Variants in ZNF425 observed in about 807,000 individuals in gnomAD.
ZNF425 encodes the protein zinc finger protein 425.
In ZNF425, 21 loss-of-function variants were observed where a neutral mutation model predicts 17.0. The ratio of observed to expected loss-of-function variants is 1.23; its 90% CI spans 0.88 to 1.78. ZNF425 has a LOEUF of 1.78. Among genes scored for constraint, ZNF425 ranks in the 40% most tolerant of loss-of-function variants. ZNF425 has a pLI of 0.00. For missense variants in ZNF425, 868 were observed against 967.3 expected, an observed-to-expected ratio of 0.90 and a Z score of 1.36; for synonymous variants, 433 against 384.1, an observed-to-expected ratio of 1.13 and a Z score of -1.49.
intron 1 of ZNF425, among the ~76,000 whole-genome samples, chr7:149,121,436 G>T (rs1826350859): frequency 6.7e-6 from 1 of 148,968 alleles, no homozygotes; most frequent in Non-Finnish European, 1.5e-5. Context: ...CTGTGGCCCA[G>T]GCTGGAGTGC....
chr7:149,126,183 C>A lies in ZNF425; in HGVS notation c.18+13G>T, dbSNP rs541159048. 6 of 1,613,270 alleles carry A rather than the reference C, an allele frequency of 3.7e-6. No homozygotes were observed. The Admixed American group carries it at 8.3e-5, about 22-fold the overall frequency. On this transcript the variant is annotated intron_variant, in intron 1 of 3. Transcript: ENST00000378061. ...TTTCGACAGAGCCTGCATCCTCCAC[C>A]GGCCCTTCTTACCGAAGCCGGCTCG...
At position 149,105,551 on chromosome 7, in the gene ZNF425, G is replaced by A; in HGVS notation, c.320C>T (p.Pro107Leu). 9 of 1,509,286 alleles carry A rather than the reference G, an allele frequency of 6.0e-6. No individual in the cohort carries two copies. Among genetic ancestry groups the A allele is most frequent in the Non-Finnish European group, 7.1e-6 (8 of 1,133,282 alleles). 93.5% of individuals were successfully genotyped at this position (1,509,286 alleles called of 1,614,324 possible). A position where few individuals can be genotyped will look rare whatever the true frequency, so the allele number is the denominator to read the frequency against. ...KLLCFDDEGT[P>L]RTKEEDCRLN... is the part of the protein sequence containing the mutation. ...ACGGCAATCCTCTTCTTTTGTCCTG[G>A]GAGTTCCTTCGTCATCTGGAGCAGA... Residue 107 changes from proline to leucine, a missense_variant, in exon 4 of 4, where the codon CCC becomes CTC. By Grantham distance (98) the Pro-to-Leu change is moderately conservative. Around this residue, in one of 5 missense-constraint regions of ZNF425, gnomAD observed 179 missense variants for 216.3 expected, o/e 0.83. Coordinates refer to ENST00000378061, the MANE Select transcript of ZNF425 (RefSeq NM_001001661.3).
At position 149,103,491 on chromosome 7, in the gene ZNF425, T is replaced by G. The variant is rs145175383; in HGVS notation, c.*121A>C. ...CCTGGGCCTCCCAAAGTAATGGGATTACAGGCGGGAGCCACTGTGCCCGAT... is the reference window on the plus strand; with the variant it reads ...CCTGGGCCTCCCAAAGTAATGGGATGACAGGCGGGAGCCACTGTGCCCGAT... On this transcript the variant is annotated 3_prime_UTR_variant, in exon 4 of 4. Transcript: ENST00000378061. The G allele has an allele frequency of 3.3e-5, 43 of 1,301,074 alleles. No individual in the cohort carries two copies. The African/African-American group carries it at 5.2e-4, about 16-fold the overall frequency. 80.6% of individuals were successfully genotyped at this position (1,301,074 alleles called of 1,614,324 possible).
At chr7:149,125,469 A>G (rs1258375314) in intron 1 of ZNF425, among the ~76,000 whole-genome samples, 10 of 152,138 alleles carry the variant, frequency 6.6e-5, no homozygotes, top group Non-Finnish European at 4.4e-5. Flanking sequence ...AATTTCTCTC[A>G]GTTCCAGCTT....
chr7:149,121,929 T>C (rs796633107), intron 1 of ZNF425, among the ~76,000 whole-genome samples: 6 of 152,274 alleles, frequency 3.9e-5, no homozygotes, highest in African/African-American at 1.4e-4. Flanking sequence ...TCTTTGTTTT[T>C]TTTTGAGACG....
chr7:149,112,538 T>C, intron 2 of ZNF425: 1 of 367,614 alleles, frequency 2.7e-6, no homozygotes, highest in Non-Finnish European at 4.9e-6. Context: ...GAGGCTGAAG[T>C]GCGAGAATCA....
rs574582891 is a variant in ZNF425 at position 149,102,999 on chromosome 7, T to C, written c.*613A>G. ...ACATTTCTTCACTCAGGCTGTAGTTTCTGAATTTAATGAAGGGATTATTGG... is the reference window on the plus strand; with the variant it reads ...ACATTTCTTCACTCAGGCTGTAGTTCCTGAATTTAATGAAGGGATTATTGG... On this transcript the variant is annotated 3_prime_UTR_variant, in exon 4 of 4. Transcript: ENST00000378061. 6.6e-6 allele frequency: 1 copy of C among 152,208 alleles called. No homozygotes were observed. Among genetic ancestry groups the C allele is most frequent in the Non-Finnish European group, 1.5e-5 (1 of 68,054 alleles). The allele number at this position is 152,208 out of a possible 1,614,324, so 9.4% of individuals were successfully genotyped here. A position where few individuals can be genotyped will look rare whatever the true frequency, so the allele number is the denominator to read the frequency against.
Position 149,126,236 on chromosome 7 carries a change from C to A in ZNF425, c.-23G>T. The A allele has an allele frequency of 1.9e-6, 3 of 1,609,442 alleles. No individual in the cohort carries two copies. The highest frequency in any genetic ancestry group is 2.5e-6 in the Non-Finnish European group (3 of 1,178,328). Reference sequence around the variant, plus strand: ...CATGGCGGTTCCGCACGAACCGGCCCTGCCTGGCACGGCCTCCCCTCCGCT... The same window carrying A: ...CATGGCGGTTCCGCACGAACCGGCCATGCCTGGCACGGCCTCCCCTCCGCT... On this transcript the variant is annotated 5_prime_UTR_variant, in exon 1 of 4. The change creates a new upstream start codon in the 5' untranslated region. Coordinates refer to ENST00000378061, the MANE Select transcript of ZNF425 (RefSeq NM_001001661.3).
chr7:149,108,132 A>G (rs1211861217), intron 3 of ZNF425, among the ~76,000 whole-genome samples: 1 of 152,064 alleles, frequency 6.6e-6, no homozygotes, highest in Admixed American at 6.6e-5. Flanking sequence ...TCAGCCTCAC[A>G]AAGTGCTGGG....
At chr7:149,122,923 A>G (rs1204907346) in intron 1 of ZNF425, among the ~76,000 whole-genome samples, 1 of 151,842 alleles carries the variant, frequency 6.6e-6, no homozygotes, top group African/African-American at 2.4e-5. Context: ...TTGAACTCCT[A>G]ACCTCAGGTG....
chr7:149,111,150 A>G (rs117479697), intron 3 of ZNF425, among the ~76,000 whole-genome samples: 1 of 151,244 alleles, frequency 6.6e-6, no homozygotes, highest in African/African-American at 2.4e-5. Flanking sequence ...GTTTTTTTTT[A>G]AATAACATAT....
At chr7:149,125,736 T>G in intron 1 of ZNF425, 1 of 224,436 alleles carries the variant, frequency 4.5e-6, no homozygotes, top group Non-Finnish European at 8.9e-6. Context: ...CAGTGGCTAT[T>G]CACAGGCGCG....
rs761388720 is a variant in ZNF425 at position 149,104,708 on chromosome 7, C to A, written c.1163G>T (p.Cys388Phe). 12 of 1,613,710 alleles carry A rather than the reference C, an allele frequency of 7.4e-6. No homozygotes were observed. The Middle Eastern group carries it at 4.9e-4, about 67-fold the overall frequency. Residue 388 changes from cysteine to phenylalanine, a missense_variant, in exon 4 of 4, where the codon TGT becomes TTT. Cys to Phe is a radical substitution (Grantham distance 205). This residue lies in a region of ZNF425 where 243 missense variants were observed against 265.2 expected (regional missense o/e 0.92). Transcript: ENST00000378061. The surrounding 1 kb of genome is among the most constrained non-coding windows in gnomAD (Gnocchi z 4.3). ...RTHSEEKPFSCGECGRKFIYK... is the reference protein window; with the variant it reads ...RTHSEEKPFSFGECGRKFIYK... ...GATGAATTTCCTGCCACATTCACCA[C>A]AAGAAAACGGCTTTTCCTCGCTGTG...
At chr7:149,112,543 G>A (rs1453291717) in intron 2 of ZNF425, 2 of 364,530 alleles carry the variant, frequency 5.5e-6, no homozygotes, top group Non-Finnish European at 9.8e-6. Context: ...TGAAGTGCGA[G>A]AATCACTTGA....
intron 3 of ZNF425, among the ~76,000 whole-genome samples, chr7:149,107,354 C>T (rs10545126): frequency 0.53 from 66,498 of 124,792 alleles, 18,592 homozygotes; most frequent in East Asian, 0.82. Context: ...TATTTTTTTT[C>T]TGAGACAGAG....
rs1222824502 is a variant in ZNF425 at position 149,109,404 on chromosome 7, A to G, written c.304+2733T>C. ...GTCTTCTCTGTTTTCTAAATGTAAT[A>G]GATTTGTTCCTGTCTTTGAGCTTCA... is the stretch of plus-strand genomic sequence containing the variant. On this transcript the variant is annotated intron_variant, in intron 3 of 3. Transcript: ENST00000378061. 2.0e-5 allele frequency among the ~76,000 whole-genome samples: 3 copies of G among 152,042 alleles called. No homozygotes were observed. In the East Asian group the frequency reaches 5.8e-4, roughly 29 times the overall value.
rs1309436288 is a variant in ZNF425 at position 149,105,095 on chromosome 7, C to A, written c.776G>T (p.Gly259Val). ...GACAACCTGATGAGTGACGAGGCTG[C>A]CCTTCAGGAAGTAGCTCTTCTCACA... ...SECEKSYFLK[G>V]SLVTHQVVHT... The change falls in exon 4 of 4, where the codon GGC (glycine) becomes GTC (valine). Residue 259 changes from glycine (G) to valine (V), a missense_variant. Physicochemically the swap from Gly to Val is moderately radical, Grantham distance 109. Coordinates refer to ENST00000378061, the MANE Select transcript of ZNF425 (RefSeq NM_001001661.3). The A allele has an allele frequency of 6.2e-7, 1 of 1,614,230 alleles. No homozygotes were observed. The highest frequency in any genetic ancestry group is 1.7e-5 in the Admixed American group (1 of 60,018).
intron 2 of ZNF425, 50 bp from the exon 3 acceptor site, chr7:149,112,345 T>C (rs904106360): frequency 1.3e-6 from 2 of 1,555,394 alleles, no homozygotes; most frequent in Non-Finnish European, 1.7e-6. Context: ...ACTTAAATAA[T>C]TTTTTTGGCC....
rs1384822952 is a variant in ZNF425, at chr7:149,112,144, T to C, written c.297A>G (p.Leu99=). 1.9e-6 allele frequency: 3 copies of C among 1,613,184 alleles called. No homozygotes were observed. Among genetic ancestry groups the C allele is most frequent in the East Asian group, 2.2e-5 (1 of 44,892 alleles). The change falls in exon 3 of 4, where the codon CTA becomes CTG. Residue 99 remains leucine, a synonymous_variant. Coordinates refer to ENST00000378061, the MANE Select transcript of ZNF425 (RefSeq NM_001001661.3). Reference sequence around the variant, plus strand: ...TAAATCCATCTTACTCACCAAAACATAGCAACTTTCCAGTATTCTTCATGT... The same window carrying C: ...TAAATCCATCTTACTCACCAAAACACAGCAACTTTCCAGTATTCTTCATGT... The part of the protein sequence containing the change: ...QLNMKNTGKL[L]CFDDEGTPRT...
Sources: allele counts gnomAD v4.1 joint callset (sites outside exome capture counted in the v4.1 genomes callset), GRCh38; gene constraint gnomAD v4.1.1; regional missense constraint gnomAD v4.1.1; non-coding constraint Gnocchi (gnomAD v3.1); transcripts MANE v1.5; gene names NCBI Gene and HGNC (gene_info 2026-07-23, HGNC 2026-07-21).